Variants in GRIN2A observed in about 807,000 individuals in gnomAD.
GRIN2A encodes the protein glutamate ionotropic receptor NMDA type subunit 2A.
GRIN2A carries 22 observed loss-of-function variants against 113.4 expected under a neutral mutation model. The ratio of observed to expected loss-of-function variants is 0.19; its 90% CI spans 0.14 to 0.28. The LOEUF (loss-of-function observed/expected upper bound fraction) is 0.28. GRIN2A is among the 10% of genes least tolerant of loss of function. The pLI, the probability that GRIN2A is intolerant of heterozygous loss-of-function variation, is 1.00. For missense variants in GRIN2A, 1,502 were observed against 1,887.0 expected, an observed-to-expected ratio of 0.80 and a Z score of 3.78; for synonymous variants, 827 against 738.4, an observed-to-expected ratio of 1.12 and a Z score of -1.94.
intron 2 of GRIN2A, among the ~76,000 whole-genome samples, chr16:9,987,336 C>G (rs2045997611): frequency 6.6e-6 from 1 of 152,146 alleles, no homozygotes; most frequent in African/African-American, 2.4e-5. Flanking sequence ...CATATGAAAG[C>G]CAACTCACTC....
intron 10 of GRIN2A, among the ~76,000 whole-genome samples, chr16:9,809,608 G>A (rs1002961763): frequency 3.3e-5 from 5 of 151,898 alleles, no homozygotes; most frequent in South Asian, 2.1e-4. Context: ...ATAGCATAAT[G>A]GTTAAGGGCA....
chr16:9,885,032 C>T (rs1029338077), intron 4 of GRIN2A, among the ~76,000 whole-genome samples: 7 of 152,016 alleles, frequency 4.6e-5, no homozygotes, highest in African/African-American at 7.3e-5. Context: ...CCACCGTGCC[C>T]GGCTAGAGAA....
At chr16:9,994,334 C>T (rs2046182307) in intron 2 of GRIN2A, among the ~76,000 whole-genome samples, 1 of 152,120 alleles carries the variant, frequency 6.6e-6, no homozygotes, top group Non-Finnish European at 1.5e-5. Flanking sequence ...GTACTCAGGC[C>T]TTGTAGCTCC....
At chr16:10,166,038 G>C (rs551639431) in intron 2 of GRIN2A, among the ~76,000 whole-genome samples, 1 of 152,084 alleles carries the variant, frequency 6.6e-6, no homozygotes, top group Admixed American at 6.6e-5. Flanking sequence ...ACATCGTTCT[G>C]AGTCTACTCA....
At chr16:9,998,389 AGGATGGG>A (rs1160315742) in intron 2 of GRIN2A, among the ~76,000 whole-genome samples, 1 of 152,232 alleles carries the variant, frequency 6.6e-6, no homozygotes, top group Non-Finnish European at 1.5e-5. Context: ...GGGAGCTGGA[AGGATGGG>A]GCATGTTGTG....
At chr16:9,839,680 A>C (rs938700498) in intron 7 of GRIN2A, among the ~76,000 whole-genome samples, 1 of 152,222 alleles carries the variant, frequency 6.6e-6, no homozygotes, top group African/African-American at 2.4e-5. Context: ...GGTTTAAATT[A>C]ACTGTGGACA....
chr16:9,851,884 A>G (rs753170186), intron 4 of GRIN2A, among the ~76,000 whole-genome samples: 1 of 152,220 alleles, frequency 6.6e-6, no homozygotes, highest in South Asian at 2.1e-4. Context: ...CTGACATGGC[A>G]TGTAACACAT....
chr16:9,824,247 T>A (rs2042344716), intron 9 of GRIN2A, among the ~76,000 whole-genome samples: 1 of 152,208 alleles, frequency 6.6e-6, no homozygotes, highest in Non-Finnish European at 1.5e-5. Flanking sequence ...TGCATGTGTG[T>A]GTATGTGAAC....
At chr16:9,843,001 AAC>A (rs1450434843) in intron 5 of GRIN2A, among the ~76,000 whole-genome samples, 7 of 150,026 alleles carry the variant, frequency 4.7e-5, no homozygotes, top group African/African-American at 1.2e-4. Context: ...GAAAGAGAGA[AAC>A]AGAAAGAGAA....
intron 2 of GRIN2A, among the ~76,000 whole-genome samples, chr16:10,116,375 G>A (rs541904731): frequency 4.1e-4 from 62 of 152,332 alleles, no homozygotes; most frequent in African/African-American, 1.5e-3. Flanking sequence ...TTAATACCTA[G>A]GTGATAGGTT....
At chr16:9,960,584 T>A (rs900353493) in intron 2 of GRIN2A, among the ~76,000 whole-genome samples, 1 of 152,220 alleles carries the variant, frequency 6.6e-6, no homozygotes, top group Admixed American at 6.5e-5. Context: ...TTGTATCACT[T>A]GTTCCTAACG....
At chr16:10,157,894 GTTTA>G (rs901382382) in intron 2 of GRIN2A, among the ~76,000 whole-genome samples, 5 of 152,062 alleles carry the variant, frequency 3.3e-5, no homozygotes, top group African/African-American at 1.2e-4. Flanking sequence ...GATTTTGTTT[GTTTA>G]TTTGATTGTT....
At chr16:9,852,418 C>T (rs77335867) in intron 4 of GRIN2A, among the ~76,000 whole-genome samples, 3 of 152,146 alleles carry the variant, frequency 2.0e-5, no homozygotes, top group African/African-American at 7.2e-5. Flanking sequence ...CACATCACAA[C>T]CCCCACACCA....
chr16:9,823,523 G>C (rs779502443), intron 9 of GRIN2A, among the ~76,000 whole-genome samples: 3 of 152,096 alleles, frequency 2.0e-5, no homozygotes, highest in Admixed American at 6.5e-5. Context: ...GAGTGAAAAA[G>C]GAACCTGAAC....
chr16:10,112,566 A>G, intron 2 of GRIN2A: 3 of 775,866 alleles, frequency 3.9e-6, no homozygotes, highest in African/African-American at 1.7e-5. Context: ...ACGGAGGCCC[A>G]GCGGCGAGTA....
At chr16:9,789,553 TACACACACACACAC>T (rs71157785) in intron 11 of GRIN2A, among the ~76,000 whole-genome samples, 3 of 149,502 alleles carry the variant, frequency 2.0e-5, no homozygotes, top group Non-Finnish European at 3.0e-5. Flanking sequence ...GAAACATACA[TACACACACACACAC>T]ACACACACAC....
intron 2 of GRIN2A, among the ~76,000 whole-genome samples, chr16:10,039,601 A>G (rs2047104497): frequency 6.6e-6 from 1 of 151,544 alleles, no homozygotes; most frequent in Non-Finnish European, 1.5e-5. Context: ...AGCGGGAGGG[A>G]CCGGTGGCGT....
intron 2 of GRIN2A, among the ~76,000 whole-genome samples, chr16:9,939,623 C>T (rs2044811878): frequency 6.6e-6 from 1 of 152,162 alleles, no homozygotes; most frequent in Non-Finnish European, 1.5e-5. Flanking sequence ...CCATAATGAT[C>T]CTACAAAGTT....
rs181616477 is a variant in GRIN2A, at chr16:9,760,563, G to A, written c.*2586C>T. ...TACTGTTGATTCTTCCAAAGGCCAC[G>A]TTTTCAGTTTCTTTATCCAGAGATG... On this transcript the variant is annotated 3_prime_UTR_variant, in exon 13 of 13. Transcript: ENST00000330684. The A allele has an allele frequency of 9.5e-4, 208 of 218,304 alleles. No homozygotes were observed. Among genetic ancestry groups the A allele is most frequent in the African/African-American group, 2.2e-3 (98 of 44,538 alleles). 13.5% of individuals were successfully genotyped at this position (218,304 alleles called of 1,614,324 possible).
Sources: allele counts gnomAD v4.1 joint callset (sites outside exome capture counted in the v4.1 genomes callset), GRCh38; gene constraint gnomAD v4.1.1; transcripts MANE v1.5; gene names NCBI Gene and HGNC (gene_info 2026-07-23, HGNC 2026-07-21).